Variants in RORB observed in about 807,000 individuals in gnomAD.
RORB encodes RAR related orphan receptor B.
Under a neutral mutation model 59.1 loss-of-function variants are expected in RORB, and 6 were observed. The observed-to-expected ratio is 0.10, with a 90% CI of 0.06 to 0.20. The LOEUF (loss-of-function observed/expected upper bound fraction) is 0.20, where lower values mean the gene tolerates loss of function less well. Ranked by LOEUF, RORB falls within the 10% of genes least tolerant of loss-of-function variation. The pLI is 1.00. For synonymous variants in RORB, 215 were observed against 204.5 expected (o/e 1.05, Z -0.44); for missense variants, 320 against 560.5 (o/e 0.57, Z 4.33).
At chr9:74,685,266 G>A (rs1339884815) in intron 9 of RORB, among the ~76,000 whole-genome samples, 197 bp from the exon 10 acceptor site, 1 of 149,430 alleles carries the variant, frequency 6.7e-6, no homozygotes, top group African/African-American at 2.5e-5. Flanking sequence ...AGGAGATGGT[G>A]TCCGGGGGGG....
chr9:74,653,959 T>G (rs1218426064), intron 4 of RORB, among the ~76,000 whole-genome samples: 2 of 152,200 alleles, frequency 1.3e-5, no homozygotes, highest in East Asian at 3.8e-4. Flanking sequence ...ATCGTCACCT[T>G]GCTTGTCAGT....
At chr9:74,656,105 A>T (rs761067571) in intron 4 of RORB, among the ~76,000 whole-genome samples, 5 of 152,228 alleles carry the variant, frequency 3.3e-5, no homozygotes, top group Non-Finnish European at 5.9e-5. Flanking sequence ...CAAACAAAGG[A>T]TCAATCTTAA....
chr9:74,662,694 C>A, intron 6 of RORB, 88 bp downstream of exon 6: 2 of 1,374,218 alleles, frequency 1.5e-6, no homozygotes, highest in South Asian at 1.3e-5. Context: ...ATCCTCCTTC[C>A]GATATGCAGC....
At chr9:74,512,719 G>A (rs548974747) in intron 1 of RORB, among the ~76,000 whole-genome samples, 22 of 152,270 alleles carry the variant, frequency 1.4e-4, no homozygotes, top group African/African-American at 5.3e-4. Context: ...AGGACTATAT[G>A]AAGGTTTTCC....
At position 74,689,966 on chromosome 9, in the gene RORB, A is replaced by G. The variant is rs1350215610; in HGVS notation, c.*4348A>G. ...TTTCTTCCTGACTCTTTTTTTTTCT[A>G]TAAACTTTTATTTCCAAGGAAGCTG... On this transcript the variant is annotated 3_prime_UTR_variant, in exon 10 of 10. Coordinates refer to ENST00000376896, the MANE Select transcript of RORB (RefSeq NM_006914.4). 1 of 151,480 alleles carries G rather than the reference A, an allele frequency of 6.6e-6. No homozygotes were observed. The highest frequency in any genetic ancestry group is 1.5e-5 in the Non-Finnish European group (1 of 67,816). The allele number at this position is 151,480 out of a possible 1,614,324, so 9.4% of individuals were successfully genotyped here.
intron 1 of RORB, among the ~76,000 whole-genome samples, chr9:74,599,143 A>G (rs1326914997): frequency 6.6e-6 from 1 of 152,158 alleles, no homozygotes; most frequent in Non-Finnish European, 1.5e-5. Flanking sequence ...TGACAAACTC[A>G]AACCATAGCA....
At chr9:74,673,640 C>T (rs753233011) in intron 9 of RORB, among the ~76,000 whole-genome samples, 18 of 152,012 alleles carry the variant, frequency 1.2e-4, no homozygotes, top group Non-Finnish European at 1.9e-4. Flanking sequence ...AATTGAAGAA[C>T]GAAAGATATT....
intron 1 of RORB, among the ~76,000 whole-genome samples, chr9:74,557,059 T>C (rs549422503): frequency 6.6e-6 from 1 of 152,168 alleles, no homozygotes; most frequent in East Asian, 1.9e-4. Flanking sequence ...CTCCCAGCTG[T>C]TCTTCCAGGA....
intron 1 of RORB, chr9:74,498,184 T>C (rs1349116089): frequency 2.8e-5 from 18 of 637,350 alleles, no homozygotes; most frequent in Middle Eastern, 4.2e-4. Flanking sequence ...TCGGGAGTTC[T>C]GGAGGGACGC....
chr9:74,564,233 A>G (rs1316119793), intron 1 of RORB, among the ~76,000 whole-genome samples: 4 of 152,126 alleles, frequency 2.6e-5, no homozygotes, highest in Non-Finnish European at 2.9e-5. Flanking sequence ...ACATCTGTCC[A>G]TCTCCCCCAT....
Position 74,642,632 on chromosome 9 carries a change from T to C in RORB, c.454T>C (p.Ser152Pro), listed in dbSNP as rs1168363417. ...ANGHVIDLPK[S>P]EGYYNVDSGQ... ...CGGGCACGTCATTGACCTGCCCAAG[T>C]CTGAGGGTTATTACAACGTCGATTC... Residue 152 changes from serine to proline, a missense_variant, in exon 4 of 10, where the codon TCT becomes CCT. Around this residue, in one of 4 missense-constraint regions of RORB, gnomAD observed 134 missense variants for 156.2 expected, o/e 0.86. Coordinates refer to ENST00000376896, the MANE Select transcript of RORB (RefSeq NM_006914.4). 17 of 1,614,040 alleles carry C rather than the reference T, an allele frequency of 1.1e-5. No individual in the cohort carries two copies. In the Admixed American group the frequency reaches 2.7e-4, roughly 25 times the overall value.
At chr9:74,520,544 A>G (rs1423849854) in intron 1 of RORB, among the ~76,000 whole-genome samples, 2 of 151,928 alleles carry the variant, frequency 1.3e-5, no homozygotes, top group African/African-American at 2.4e-5. Flanking sequence ...GGCAATAAAT[A>G]TCAAATCTAC....
intron 1 of RORB, among the ~76,000 whole-genome samples, chr9:74,505,522 G>C (rs1825858772): frequency 6.6e-6 from 1 of 151,972 alleles, no homozygotes; most frequent in Non-Finnish European, 1.5e-5. Context: ...TGAACCCCAG[G>C]GATGCTCAGG....
intron 1 of RORB, among the ~76,000 whole-genome samples, chr9:74,602,201 AC>A (rs1823069789): frequency 1.3e-5 from 2 of 152,140 alleles, no homozygotes; most frequent in Non-Finnish European, 2.9e-5. Context: ...TTCCACGATG[AC>A]CTTTTTGCTG....
intron 1 of RORB, among the ~76,000 whole-genome samples, chr9:74,550,908 A>G (rs569242660): frequency 6.3e-4 from 96 of 152,346 alleles, no homozygotes; most frequent in African/African-American, 2.2e-3. Context: ...GACTACCAAA[A>G]ACCATTAACT....
rs1242773312 is a variant in RORB at position 74,690,252 on chromosome 9, ACT to A, written c.*4637_*4638del. The A allele has an allele frequency of 6.6e-6, 1 of 151,960 alleles. No homozygotes were observed. The highest frequency in any genetic ancestry group is 2.4e-5 in the African/African-American group (1 of 41,328). The allele number at this position is 151,960 out of a possible 1,614,324, so 9.4% of individuals were successfully genotyped here. On this transcript the variant is annotated 3_prime_UTR_variant, in exon 10 of 10. Transcript: ENST00000376896. The stretch of plus-strand genomic sequence containing the variant: ...GGGGGTCTTTCAAAAAAAAGCTGAC[ACT>A]CTATTCATTTTTGGGTCTCAGGACC...
At chr9:74,614,632 T>G (rs371641670) in intron 1 of RORB, among the ~76,000 whole-genome samples, 1 of 152,038 alleles carries the variant, frequency 6.6e-6, no homozygotes, top group African/African-American at 2.4e-5. Context: ...GATAAGTGAT[T>G]AGTGGAAAGA....
chr9:74,629,173 TACC>T (rs1247789883), intron 1 of RORB, among the ~76,000 whole-genome samples: 1 of 151,756 alleles, frequency 6.6e-6, no homozygotes, highest in East Asian at 2.0e-4. Flanking sequence ...CCATTTATCC[TACC>T]ACTTATGTAA....
At chr9:74,552,142 G>A (rs1414982204) in intron 1 of RORB, among the ~76,000 whole-genome samples, 1 of 152,130 alleles carries the variant, frequency 6.6e-6, no homozygotes. Context: ...GAGGTAGCTG[G>A]GAGAAATTTG....
Sources: gnomAD v4.1 joint callset for allele counts (sites outside exome capture counted in the v4.1 genomes callset) on GRCh38, gnomAD v4.1.1 for gene constraint, gnomAD v4.1.1 regional missense constraint, MANE v1.5 for transcripts, NCBI Gene and HGNC (gene_info 2026-07-23, HGNC 2026-07-21) for gene names.